Variants in RIMS2 observed in about 807,000 individuals in gnomAD.
RIMS2 encodes regulating synaptic membrane exocytosis protein 2.
Under a neutral mutation model 174.4 loss-of-function variants are expected in RIMS2, and 59 were observed. That is an observed-to-expected ratio of 0.34 (90% CI 0.27 to 0.42). RIMS2 has a LOEUF of 0.42. RIMS2 is among the 10% of genes least tolerant of loss of function. The probability of loss-of-function intolerance (pLI) is 1.00; values close to 1 mark genes in which losing one functional copy is unlikely to be tolerated. For missense variants in RIMS2, 1,620 were observed against 1,666.3 expected (o/e 0.97, Z 0.48); for synonymous variants, 606 against 572.5 (o/e 1.06, Z -0.84).
At chr8:104,116,532 T>G (rs2098280346) in intron 19 of RIMS2, among the ~76,000 whole-genome samples, 1 of 152,244 alleles carries the variant, frequency 6.6e-6, no homozygotes, top group South Asian at 2.1e-4. Context: ...TCTGAAATGG[T>G]TTTAATAAAA....
chr8:103,750,637 A>T (rs1416719504), intron 2 of RIMS2, among the ~76,000 whole-genome samples: 1 of 152,032 alleles, frequency 6.6e-6, no homozygotes, highest in African/African-American at 2.4e-5. Context: ...GAAGCGGTTT[A>T]CCCCATGTTG....
intron 3 of RIMS2, among the ~76,000 whole-genome samples, chr8:103,792,490 C>G (rs1028122206): frequency 1.3e-5 from 2 of 151,816 alleles, no homozygotes; most frequent in African/African-American, 4.8e-5. Flanking sequence ...AAATTGACAC[C>G]CTAACATCAC....
intron 19 of RIMS2, among the ~76,000 whole-genome samples, chr8:104,062,231 C>A (rs1410701493): frequency 6.6e-6 from 1 of 152,050 alleles, no homozygotes; most frequent in Non-Finnish European, 1.5e-5. Flanking sequence ...TGGTGAACTC[C>A]TGTCTCTACA....
chr8:104,222,778 A>C (rs2099161351), intron 19 of RIMS2, among the ~76,000 whole-genome samples: 1 of 152,208 alleles, frequency 6.6e-6, no homozygotes, highest in South Asian at 2.1e-4. Flanking sequence ...TCTTAGCCAT[A>C]CTGGGTAGAT....
At chr8:103,663,493 T>C (rs994168226) in intron 1 of RIMS2, among the ~76,000 whole-genome samples, 55 of 151,980 alleles carry the variant, frequency 3.6e-4, no homozygotes, top group African/African-American at 1.2e-3. Flanking sequence ...ACACCAATAA[T>C]AGACAAACAG....
intron 1 of RIMS2, among the ~76,000 whole-genome samples, chr8:103,523,641 T>C (rs1832733466): frequency 6.6e-6 from 1 of 152,024 alleles, no homozygotes; most frequent in Non-Finnish European, 1.5e-5. Context: ...TAGTCAGTGT[T>C]ATAGAGTGAG....
At chr8:103,819,608 G>T (rs2098739109) in intron 3 of RIMS2, 2 of 1,612,800 alleles carry the variant, frequency 1.2e-6, no homozygotes, top group Admixed American at 1.7e-5. Flanking sequence ...GAGCTTTTTG[G>T]ACAAACACTG....
intron 1 of RIMS2, among the ~76,000 whole-genome samples, chr8:103,655,718 G>A (rs1005772448): frequency 5.9e-5 from 9 of 152,158 alleles, no homozygotes; most frequent in Middle Eastern, 3.4e-3. Flanking sequence ...CATGATATGT[G>A]AGAGTCTTTA....
At chr8:103,550,495 A>G (rs561475720) in intron 1 of RIMS2, among the ~76,000 whole-genome samples, 7 of 152,356 alleles carry the variant, frequency 4.6e-5, no homozygotes, top group African/African-American at 1.7e-4. Flanking sequence ...TGCCCACAAG[A>G]GAAAGCAGGA....
chr8:103,583,121 C>T (rs1333124894), intron 1 of RIMS2, among the ~76,000 whole-genome samples: 1 of 152,052 alleles, frequency 6.6e-6, no homozygotes, highest in Non-Finnish European at 1.5e-5. Flanking sequence ...GGGAGAAAGA[C>T]AAGAGAACAG....
intron 2 of RIMS2, among the ~76,000 whole-genome samples, chr8:103,737,893 C>G (rs184312310): frequency 6.6e-6 from 1 of 152,162 alleles, no homozygotes; most frequent in Non-Finnish European, 1.5e-5. Context: ...ATCAACATCA[C>G]CTACTCTCAT....
intron 19 of RIMS2, among the ~76,000 whole-genome samples, chr8:104,145,056 T>C (rs1444549057): frequency 6.6e-6 from 1 of 152,242 alleles, no homozygotes; most frequent in Non-Finnish European, 1.5e-5. Flanking sequence ...TTGTCTTTTA[T>C]TGATGAACAT....
In RIMS2 at chr8:103,739,297, C is replaced by T. The variant is rs1056239460; in HGVS notation, c.388-26930C>T. The stretch of plus-strand genomic sequence containing the variant: ...CGCAAGGACAAAAACCCAAACACCG[C>T]ATGTTCTCACTCATAGATGGGAATT... On this transcript the variant is annotated intron_variant, in intron 2 of 23. Coordinates refer to ENST00000504942, the Ensembl canonical transcript of RIMS2. Among the ~76,000 whole-genome samples the T allele has an allele frequency of 6.1e-4, 93 of 152,298 alleles. 1 individual carries two copies. The highest frequency in any genetic ancestry group is 1.9e-3 in the African/African-American group (81 of 41,568).
intron 2 of RIMS2, among the ~76,000 whole-genome samples, chr8:103,742,937 A>G (rs2097774882): frequency 6.6e-6 from 1 of 152,172 alleles, no homozygotes. Flanking sequence ...TCAAGCTATT[A>G]AACAGCATTA....
At chr8:103,565,069 C>G (rs529420329) in intron 1 of RIMS2, among the ~76,000 whole-genome samples, 1 of 152,198 alleles carries the variant, frequency 6.6e-6, no homozygotes, top group East Asian at 1.9e-4. Context: ...TGAGACTTGA[C>G]AGACATATGG....
At chr8:104,077,790 T>C (rs1048974947) in intron 19 of RIMS2, among the ~76,000 whole-genome samples, 9 of 150,968 alleles carry the variant, frequency 6.0e-5, no homozygotes, top group African/African-American at 1.5e-4. Flanking sequence ...CCTTGCCTCA[T>C]TGGAAGAAAT....
chr8:103,949,735 AAAG>A (rs1333823554), intron 14 of RIMS2, among the ~76,000 whole-genome samples: 18 of 152,282 alleles, frequency 1.2e-4, no homozygotes, highest in East Asian at 3.9e-4. Flanking sequence ...CAAACGTCAA[AAAG>A]AAGAACAAAA....
chr8:104,169,921 C>T (rs954592417), intron 19 of RIMS2, among the ~76,000 whole-genome samples: 4 of 151,742 alleles, frequency 2.6e-5, no homozygotes, highest in African/African-American at 9.7e-5. Context: ...AATTGTTAAC[C>T]CAAAAATGAT....
At chr8:103,923,693 A>T (rs1219494022) in intron 10 of RIMS2, among the ~76,000 whole-genome samples, 1 of 151,672 alleles carries the variant, frequency 6.6e-6, no homozygotes, top group Admixed American at 6.6e-5. Context: ...TAGTAGTAAA[A>T]CTTTTAGCTG....
Sources: allele counts gnomAD v4.1 joint callset (sites outside exome capture counted in the v4.1 genomes callset), GRCh38; gene constraint gnomAD v4.1.1; transcripts MANE v1.5; gene names NCBI Gene and HGNC (gene_info 2026-07-23, HGNC 2026-07-21).